The following COL14A1 variants were observed in gnomAD, a reference collection of about 807,000 sequenced individuals.
The protein encoded by COL14A1 is collagen alpha-1(XIV) chain.
COL14A1 carries 136 observed loss-of-function variants against 230.3 expected under a neutral mutation model. The observed-to-expected ratio is 0.59, with a 90% CI of 0.51 to 0.68. The LOEUF (loss-of-function observed/expected upper bound fraction) is 0.68, where lower values mean the gene tolerates loss of function less well. COL14A1 is among the 30% of genes least tolerant of loss of function. The pLI is 0.00. For missense variants in COL14A1, 1,976 were observed against 2,215.8 expected (o/e 0.89, Z 2.17); for synonymous variants, 792 against 784.1 (o/e 1.01, Z -0.17).
chr8:120,303,508 G>T (rs1820777728), intron 36 of COL14A1, among the ~76,000 whole-genome samples: 1 of 152,120 alleles, frequency 6.6e-6, no homozygotes, highest in Non-Finnish European at 1.5e-5. Flanking sequence ...CGTGGTTTTT[G>T]TCTTTGGTTC....
chr8:120,180,699 G>C (rs1816433814), intron 5 of COL14A1, among the ~76,000 whole-genome samples: 1 of 125,178 alleles, frequency 8.0e-6, no homozygotes, highest in African/African-American at 2.9e-5. Flanking sequence ...ATGGTAGGAA[G>C]CCTTTTTTTT....
At chr8:120,226,307 TAA>T (rs113509831) in intron 15 of COL14A1, among the ~76,000 whole-genome samples, 1 of 149,942 alleles carries the variant, frequency 6.7e-6, no homozygotes. Context: ...AAATAATATT[TAA>T]AAAAAAAATG....
intron 26 of COL14A1, among the ~76,000 whole-genome samples, chr8:120,274,457 GTAC>G (rs1819777111): frequency 6.6e-6 from 1 of 151,814 alleles, no homozygotes; most frequent in African/African-American, 2.4e-5. Flanking sequence ...ATTCAAGATA[GTAC>G]TGGAAGTCCT....
intron 24 of COL14A1, among the ~76,000 whole-genome samples, chr8:120,265,565 C>A (rs1039083071): frequency 1.3e-5 from 2 of 151,230 alleles, no homozygotes; most frequent in Non-Finnish European, 3.0e-5. Flanking sequence ...GAAATATTTC[C>A]TTTTCACACA....
In COL14A1 at chr8:120,345,992, G is replaced by T. The variant is rs1822495972; in HGVS notation, c.5077+429G>T. Reference sequence around the variant, plus strand: ...GATTTGCTGGTGCTTTATTTGTGTGGTGCCCAGACTGGGCAATAGTCAGTG... The same window carrying T: ...GATTTGCTGGTGCTTTATTTGTGTGTTGCCCAGACTGGGCAATAGTCAGTG... On this transcript the variant is annotated intron_variant, in intron 45 of 47. Coordinates refer to ENST00000297848, the MANE Select transcript of COL14A1 (RefSeq NM_021110.4). 2.0e-5 allele frequency among the ~76,000 whole-genome samples: 3 copies of T among 152,210 alleles called. No homozygotes were observed. The South Asian group carries it at 6.2e-4, about 32-fold the overall frequency.
At chr8:120,368,376 T>A (rs1347814756) in intron 46 of COL14A1, among the ~76,000 whole-genome samples, 2 of 152,196 alleles carry the variant, frequency 1.3e-5, no homozygotes, top group African/African-American at 4.8e-5. Context: ...TAAATATTTC[T>A]GTTATTAGAG....
chr8:120,286,809 A>G (rs1820219320), intron 33 of COL14A1, among the ~76,000 whole-genome samples: 2 of 152,108 alleles, frequency 1.3e-5, no homozygotes, highest in Admixed American at 6.5e-5. Context: ...GCGCCTGGCC[A>G]CTTGTCATTA....
chr8:120,127,907 G>A (rs1180059026), intron 1 of COL14A1, among the ~76,000 whole-genome samples: 1 of 152,194 alleles, frequency 6.6e-6, no homozygotes, highest in Non-Finnish European at 1.5e-5. Flanking sequence ...GAGCACCACT[G>A]AGTTAACAAA....
chr8:120,244,124 G>A, intron 20 of COL14A1, 116 bp downstream of exon 20: 1 of 1,246,892 alleles, frequency 8.0e-7, no homozygotes, highest in Non-Finnish European at 1.1e-6. Context: ...AAAAGATTTG[G>A]GAACAGGAAA....
At chr8:120,219,492 GGTGT>G (rs1817862723) in intron 14 of COL14A1, among the ~76,000 whole-genome samples, 1 of 152,184 alleles carries the variant, frequency 6.6e-6, no homozygotes, top group Admixed American at 6.5e-5. Flanking sequence ...TGAATTTGCA[GGTGT>G]ATTCCTCATA....
In COL14A1 at chr8:120,331,581, A is replaced by G. The variant is rs1216622271; in HGVS notation, c.4660-560A>G. 1.3e-5 allele frequency among the ~76,000 whole-genome samples: 2 copies of G among 152,232 alleles called. 1 individual carries two copies. ...CTGCCTTAAATCCTTCCACCAGGGA[A>G]TGAGGAGCAAACACGTGCTCATTTG... On this transcript the variant is annotated intron_variant, in intron 40 of 47. Transcript: ENST00000297848.
chr8:120,339,438 C>T (rs1253633367), intron 42 of COL14A1, among the ~76,000 whole-genome samples: 1 of 152,114 alleles, frequency 6.6e-6, no homozygotes, highest in Non-Finnish European at 1.5e-5. Flanking sequence ...GAATCCTTTC[C>T]TCGGAAGCCC....
At position 120,315,637 on chromosome 8, in the gene COL14A1, AGGGGG is replaced by A. The variant is rs1304051219; in HGVS notation, c.4605+52_4605+56del. ...TTGCTCTCAGTCTACAACTTTGCCA[AGGGGG>A]AAAAAAAAGCTGTAGCTTCTGAAGT... is the stretch of plus-strand genomic sequence containing the variant. On this transcript the variant is annotated intron_variant, in intron 39 of 47. Transcript: ENST00000297848. 7.5e-6 allele frequency: 11 copies of A among 1,464,824 alleles called. No individual in the cohort carries two copies. The Admixed American group carries it at 1.1e-4, about 15-fold the overall frequency. The allele number at this position is 1,464,824 out of a possible 1,614,324, so 90.7% of individuals were successfully genotyped here.
At chr8:120,148,009 C>A (rs113274668) in intron 2 of COL14A1, 79 bp downstream of exon 2, 16 of 1,048,286 alleles carry the variant, frequency 1.5e-5, no homozygotes, top group African/African-American at 8.0e-5. Flanking sequence ...TTTTATTTAT[C>A]CTAACAATAT....
At chr8:120,316,842 C>G (rs578175812) in intron 40 of COL14A1, among the ~76,000 whole-genome samples, 28 of 152,138 alleles carry the variant, frequency 1.8e-4, no homozygotes, top group African/African-American at 6.3e-4. Flanking sequence ...TATTGTACAT[C>G]GTTTAGTATG....
rs377566608 is a variant in COL14A1, at chr8:120,367,173, C to G, written c.5080C>G (p.Leu1694Val). The change falls in exon 46 of 48, where the codon CTA (leucine) becomes GTA (valine). Residue 1694 changes from leucine to valine, a missense_variant and splice_region_variant. Physicochemically the swap from Leu to Val is conservative, Grantham distance 32 (BLOSUM62 1). Around this residue, in one of 3 missense-constraint regions of COL14A1, gnomAD observed 1,791 missense variants for 2,019.5 expected, o/e 0.89. Coordinates refer to ENST00000297848, the MANE Select transcript of COL14A1 (RefSeq NM_021110.4). ...TTTTTAAAAATTATTTTAAACAGGT[C>G]TAACTGGTATCAAAGGAGAAAAAGG... is the stretch of plus-strand genomic sequence containing the variant. ...GVPGTPGERG[L>V]TGIKGEKGNP... is the part of the protein sequence containing the mutation. 1.2e-6 allele frequency: 2 copies of G among 1,610,616 alleles called. No homozygotes were observed. The highest frequency in any genetic ancestry group is 2.7e-5 in the African/African-American group (2 of 74,748).
chr8:120,291,485 A>G (rs1968737), intron 34 of COL14A1, among the ~76,000 whole-genome samples: 145,423 of 149,350 alleles, frequency 0.97, 70,814 homozygotes, highest in East Asian at 1. Context: ...GCTTGACCCC[A>G]GGAGGCGGAT....
At chr8:120,286,572 C>T (rs958539991) in intron 33 of COL14A1, among the ~76,000 whole-genome samples, 16 of 151,992 alleles carry the variant, frequency 1.1e-4, no homozygotes, top group African/African-American at 3.4e-4. Context: ...TGCAGTGGCG[C>T]GATCTTGGCT....
intron 12 of COL14A1, among the ~76,000 whole-genome samples, 189 bp downstream of exon 12, chr8:120,210,090 A>G (rs1817576437): frequency 6.6e-6 from 1 of 152,072 alleles, no homozygotes; most frequent in Non-Finnish European, 1.5e-5. Flanking sequence ...TTGTCGATGC[A>G]TTTTGAAAGC....
Sources: allele counts gnomAD v4.1 joint callset (sites outside exome capture counted in the v4.1 genomes callset), GRCh38; gene constraint gnomAD v4.1.1; regional missense constraint gnomAD v4.1.1; transcripts MANE v1.5; gene names NCBI Gene and HGNC (gene_info 2026-07-23, HGNC 2026-07-21).